Variants in RIPOR2 observed in about 807,000 individuals in gnomAD.
The protein encoded by RIPOR2 is rho family-interacting cell polarization regulator 2.
Under a neutral mutation model 114.5 loss-of-function variants are expected in RIPOR2, and 39 were observed. That is an observed-to-expected ratio of 0.34 (90% CI 0.26 to 0.44). RIPOR2 has a LOEUF of 0.44. Among genes scored for constraint, RIPOR2 ranks in the 20% least tolerant of loss-of-function variants. RIPOR2 has a pLI of 1.00. For synonymous variants in RIPOR2, 445 were observed against 484.4 expected, an observed-to-expected ratio of 0.92 and a Z score of 1.07; for missense variants, 1,007 against 1,255.1, an observed-to-expected ratio of 0.80 and a Z score of 2.99.
In RIPOR2 at chr6:24,847,674, G is replaced by C. The variant is rs1200971754; in HGVS notation, c.1164+351C>G. The C allele has an allele frequency of 3.2e-6, 5 of 1,551,206 alleles. No homozygotes were observed. The East Asian group carries it at 1.2e-4, about 38-fold the overall frequency. ...CAGACAGCCGCCTGGGCTTGTCTGG[G>C]GAAGGATGCAGCCACCTCTTCAGAA... On this transcript the variant is annotated intron_variant, in intron 12 of 21. Transcript: ENST00000643898.
chr6:24,901,346 G>T (rs1176427323), intron 1 of RIPOR2, among the ~76,000 whole-genome samples: 1 of 152,144 alleles, frequency 6.6e-6, no homozygotes, highest in Non-Finnish European at 1.5e-5. Context: ...GTGAGGGAAA[G>T]AGCCATTTTG....
At chr6:24,818,433 A>G in intron 20 of RIPOR2, 109 bp downstream of exon 20, 1 of 549,858 alleles carries the variant, frequency 1.8e-6, no homozygotes, top group Non-Finnish European at 3.2e-6. Flanking sequence ...GAAGACAAGA[A>G]ATACTGCTAA....
At position 24,843,396 on chromosome 6, in the gene RIPOR2, G is replaced by A. The variant is rs547393684; in HGVS notation, c.1323C>T (p.Thr441=). The change falls in exon 13 of 22, where the codon ACC becomes ACT. Residue 441 remains threonine (T), a synonymous_variant. Transcript: ENST00000643898. ...SNSTNPEITI[T]PAEFNLSSLA... The stretch of plus-strand genomic sequence containing the variant: ...AGCTGCTGAGGTTAAACTCCGCAGG[G>A]GTGATGGTAATTTCTGGATTTGTTG... 3.1e-6 allele frequency: 5 copies of A among 1,613,894 alleles called. No individual in the cohort carries two copies. Among genetic ancestry groups the A allele is most frequent in the Non-Finnish European group, 4.2e-6 (5 of 1,179,864 alleles).
chr6:24,877,108 G>GA (rs1455411120), intron 1 of RIPOR2: 3 of 985,184 alleles, frequency 3.0e-6, no homozygotes, highest in Non-Finnish European at 3.6e-6. Context: ...CTCAAAGAAA[G>GA]AAAAGCTAAA....
intron 1 of RIPOR2, among the ~76,000 whole-genome samples, chr6:24,897,050 C>T (rs904519916): frequency 1.3e-5 from 2 of 152,172 alleles, no homozygotes; most frequent in South Asian, 4.1e-4. Context: ...GACAATCAGC[C>T]GCTCTGAACA....
intron 1 of RIPOR2, among the ~76,000 whole-genome samples, chr6:25,013,370 T>C (rs961277892): frequency 1.3e-5 from 2 of 152,154 alleles, no homozygotes; most frequent in Admixed American, 6.5e-5. Context: ...GCAACTCCCC[T>C]GTGCACAGTG....
chr6:25,029,124 T>C (rs192031213), intron 1 of RIPOR2, among the ~76,000 whole-genome samples: 13 of 152,010 alleles, frequency 8.6e-5, no homozygotes, highest in African/African-American at 2.9e-4. Context: ...CCGTCTCTAC[T>C]AAAAACACAA....
At chr6:24,959,827 G>C (rs1773223199) in intron 1 of RIPOR2, among the ~76,000 whole-genome samples, 1 of 152,178 alleles carries the variant, frequency 6.6e-6, no homozygotes, top group South Asian at 2.1e-4. Context: ...GTCTGTGGCT[G>C]TCTTGTGCTG....
intron 9 of RIPOR2, among the ~76,000 whole-genome samples, 195 bp from the exon 10 acceptor site, chr6:24,850,917 T>C (rs1221466038): frequency 6.7e-6 from 1 of 149,802 alleles, no homozygotes; most frequent in African/African-American, 2.5e-5. Context: ...TTTTTTTGAG[T>C]TGGAGTCTCG....
chr6:24,954,455 C>CTATTT (rs372356246), intron 1 of RIPOR2, among the ~76,000 whole-genome samples: 1 of 116,252 alleles, frequency 8.6e-6, no homozygotes, highest in Admixed American at 9.0e-5. Flanking sequence ...GTCTCTCTCT[C>CTATTT]CTTTTTTTTT....
At chr6:25,002,185 T>C (rs1012681826) in intron 1 of RIPOR2, among the ~76,000 whole-genome samples, 1 of 152,236 alleles carries the variant, frequency 6.6e-6, no homozygotes, top group Non-Finnish European at 1.5e-5. Context: ...CCTTAGACTA[T>C]AGGTATGACT....
At chr6:24,992,284 A>G (rs1239066537) in intron 1 of RIPOR2, among the ~76,000 whole-genome samples, 1 of 152,104 alleles carries the variant, frequency 6.6e-6, no homozygotes, top group Admixed American at 6.6e-5. Context: ...TTGTCTTATC[A>G]CGCAGAAGAC....
At chr6:24,846,300 C>CTTTTTTTTTT (rs1562253042) in intron 12 of RIPOR2, among the ~76,000 whole-genome samples, 1 of 111,320 alleles carries the variant, frequency 9.0e-6, no homozygotes, top group Non-Finnish European at 1.9e-5. Context: ...TTTTCACCTG[C>CTTTTTTTTTT]CTTTTTTTTT....
chr6:25,032,336 C>T (rs747646611), intron 1 of RIPOR2, among the ~76,000 whole-genome samples: 11 of 152,080 alleles, frequency 7.2e-5, no homozygotes, highest in Non-Finnish European at 2.9e-5. Context: ...TTGCCTGGTT[C>T]TTTCTGCAGG....
chr6:24,911,640 G>C (rs2114070456), intron 1 of RIPOR2, among the ~76,000 whole-genome samples: 1 of 152,234 alleles, frequency 6.6e-6, no homozygotes, highest in East Asian at 1.9e-4. Flanking sequence ...ATTTTGTTCT[G>C]GTGGATTTGA....
At position 24,806,223 on chromosome 6, in the gene RIPOR2, GA is replaced by G; in HGVS notation, c.*149del. Reference sequence around the variant, plus strand: ...CTGCGTTGGCCTCCCAAAGTACTGGGATTACAGGCATGAGCCACTGCACCTG... The same window carrying G: ...CTGCGTTGGCCTCCCAAAGTACTGGGTTACAGGCATGAGCCACTGCACCTG... On this transcript the variant is annotated 3_prime_UTR_variant, in exon 22 of 22. Coordinates refer to ENST00000643898, the MANE Select transcript of RIPOR2 (RefSeq NM_001286445.3). The G allele has an allele frequency of 1.5e-6, 1 of 659,672 alleles. No individual in the cohort carries two copies. The allele number at this position is 659,672 out of a possible 1,614,324, so 40.9% of individuals were successfully genotyped here.
chr6:24,946,752 C>A (rs1185817988), intron 1 of RIPOR2, among the ~76,000 whole-genome samples: 1 of 152,150 alleles, frequency 6.6e-6, no homozygotes, highest in Non-Finnish European at 1.5e-5. Flanking sequence ...TTCGCAGTGC[C>A]ATCCCTTTGC....
At chr6:24,856,362 T>TA (rs1019628319) in intron 8 of RIPOR2, among the ~76,000 whole-genome samples, 8 of 152,062 alleles carry the variant, frequency 5.3e-5, no homozygotes, top group East Asian at 1.9e-4. Context: ...AGTTAGTCTT[T>TA]AAAAAAAATA....
At chr6:24,845,414 T>C (rs887841746) in intron 12 of RIPOR2, among the ~76,000 whole-genome samples, 12 of 152,182 alleles carry the variant, frequency 7.9e-5, no homozygotes, top group Admixed American at 6.5e-4. Flanking sequence ...CTTAGGCTTC[T>C]AGAACCCATG....
Sources: allele counts gnomAD v4.1 joint callset (sites outside exome capture counted in the v4.1 genomes callset), GRCh38; gene constraint gnomAD v4.1.1; transcripts MANE v1.5; gene names NCBI Gene and HGNC (gene_info 2026-07-23, HGNC 2026-07-21).